Variants in MROH2B observed in about 807,000 individuals in gnomAD.
The protein encoded by MROH2B is maestro heat like repeat family member 2B.
A neutral mutation model predicts 208.6 loss-of-function variants in MROH2B; 177 were observed. The ratio of observed to expected loss-of-function variants is 0.85; its 90% CI spans 0.75 to 0.96. The LOEUF (loss-of-function observed/expected upper bound fraction) is 0.96. MROH2B is among the 40% of genes least tolerant of loss of function. The pLI is 0.00. For synonymous variants in MROH2B, 728 were observed against 659.0 expected, an observed-to-expected ratio of 1.10 and a Z score of -1.60; for missense variants, 2,002 against 1,878.7, an observed-to-expected ratio of 1.07 and a Z score of -1.21.
chr5:41,060,059 T>A (rs939855900), intron 6 of MROH2B, among the ~76,000 whole-genome samples: 1 of 152,202 alleles, frequency 6.6e-6, no homozygotes, highest in African/African-American at 2.4e-5. Context: ...CCTCCTCGTT[T>A]AAATTGATGA....
intron 11 of MROH2B, 116 bp downstream of exon 11, chr5:41,054,651 G>A (rs1743388439): frequency 1.5e-6 from 1 of 676,532 alleles, no homozygotes; most frequent in South Asian, 3.5e-5. Context: ...TTTAAAAATG[G>A]AATTGACCAC....
rs773891238 is a variant in MROH2B at position 41,000,211 on chromosome 5, G to A, written c.4482+9C>T. ...CCTTTTTTGGAGGCGGCATCTATTG[G>A]ACACTCACCAGTTTCACACAGAATT... On this transcript the variant is annotated intron_variant, in intron 39 of 41. Coordinates refer to ENST00000399564, the MANE Select transcript of MROH2B (RefSeq NM_173489.5). The A allele has an allele frequency of 6.2e-7, 1 of 1,613,474 alleles. No individual in the cohort carries two copies. The highest frequency in any genetic ancestry group is 1.1e-5 in the South Asian group (1 of 91,010).
chr5:41,057,971 TTAAGC>T, intron 7 of MROH2B, 87 bp downstream of exon 7: 1 of 1,281,368 alleles, frequency 7.8e-7, no homozygotes, highest in Non-Finnish European at 1.0e-6. Flanking sequence ...AAACAGGAGT[TTAAGC>T]TCCTTAGGGT....
chr5:41,004,890 C>T lies in MROH2B; in HGVS notation c.3895G>A (p.Gly1299Arg), dbSNP rs768366602. ...AAGATCAGCACATTTCGCAGATTCC[C>T]ATGCTTCCAAAGGATTGGTTCCTTC... is the stretch of plus-strand genomic sequence containing the variant. ...LMKEPILWKH[G>R]NLRNVLILMD... Residue 1299 changes from glycine to arginine, a missense_variant, in exon 36 of 42, where the codon GGG (glycine) becomes AGG (arginine). Gly to Arg is a moderately radical substitution (Grantham distance 125, BLOSUM62 -2). Coordinates refer to ENST00000399564, the MANE Select transcript of MROH2B (RefSeq NM_173489.5). 1.2e-6 allele frequency: 2 copies of T among 1,613,958 alleles called. No individual in the cohort carries two copies. Among genetic ancestry groups the T allele is most frequent in the Admixed American group, 1.7e-5 (1 of 60,020 alleles).
intron 18 of MROH2B, 44 bp downstream of exon 18, chr5:41,045,702 A>G (rs1425674286): frequency 3.4e-6 from 5 of 1,456,286 alleles, no homozygotes; most frequent in Non-Finnish European, 4.8e-6. Flanking sequence ...GCCATTTTGG[A>G]TCATAGGTAA....
rs768495773 is a variant in MROH2B, at chr5:41,008,610, A to T, written c.3604T>A (p.Cys1202Ser). The T allele has an allele frequency of 6.2e-7, 1 of 1,613,480 alleles. No homozygotes were observed. The highest frequency in any genetic ancestry group is 8.5e-7 in the Non-Finnish European group (1 of 1,179,678). ...QGEQQQIPDP[C>S]RLSTATLKCL... ...GCTTCCTGATTGGCCGTTTACCTGC[A>T]GGGGTCTGGGATCTGCTGCTGTTCT... Residue 1202 changes from cysteine to serine, a missense_variant, in exon 33 of 42, where the codon TGC (cysteine) becomes AGC (serine). Transcript: ENST00000399564.
chr5:41,059,047 CAA>C lies in MROH2B; in HGVS notation c.616-846_616-845del, dbSNP rs1171278919. On this transcript the variant is annotated intron_variant, in intron 6 of 41. Coordinates refer to ENST00000399564, the MANE Select transcript of MROH2B (RefSeq NM_173489.5). The stretch of plus-strand genomic sequence containing the variant: ...TGGGTGACAGAGTGAGACTCCATCT[CAA>C]AAAAAAAAAAAAAAAAAAGAATCTT... Among the ~76,000 whole-genome samples the C allele has an allele frequency of 2.5e-3, 180 of 73,192 alleles. 4 individuals are homozygous for C. The East Asian group carries it at 0.054, about 22-fold the overall frequency. The allele number at this position is 73,192 out of a possible 152,430, so 48.0% of individuals were successfully genotyped here.
chr5:41,038,745 C>A lies in MROH2B; in HGVS notation c.2205G>T (p.Gln735His). 1 of 1,610,482 alleles carries A rather than the reference C, an allele frequency of 6.2e-7. No individual in the cohort carries two copies. The highest frequency in any genetic ancestry group is 8.5e-7 in the Non-Finnish European group (1 of 1,178,502). The change falls in exon 21 of 42, where the codon CAG becomes CAT. Residue 735 changes from glutamine (Q) to histidine (H), a missense_variant. Gln to His is a conservative substitution (Grantham distance 24). Transcript: ENST00000399564. Reference sequence around the variant, plus strand: ...ATGCAACGGGCATTACCTGAGAGCACTGGCCATGAAGAGACAGGACTTGGG... The same window carrying A: ...ATGCAACGGGCATTACCTGAGAGCAATGGCCATGAAGAGACAGGACTTGGG... ...IISQVLSLHG[Q>H]CSQVLGMSVM...
intron 37 of MROH2B, among the ~76,000 whole-genome samples, chr5:41,002,294 G>C (rs1363201341): frequency 2.6e-5 from 4 of 152,170 alleles, no homozygotes; most frequent in Non-Finnish European, 5.9e-5. Context: ...AGAAATATTA[G>C]AGAACGTCTA....
chr5:41,055,168 G>A (rs1431034868), intron 10 of MROH2B, among the ~76,000 whole-genome samples: 1 of 152,144 alleles, frequency 6.6e-6, no homozygotes, highest in Non-Finnish European at 1.5e-5. Flanking sequence ...AAATCAAAGT[G>A]CTAACTGAAT....
intron 19 of MROH2B, 47 bp from the exon 20 acceptor site, chr5:41,039,602 T>C (rs765945015): frequency 9.8e-6 from 13 of 1,327,272 alleles, no homozygotes; most frequent in African/African-American, 7.3e-5. Flanking sequence ...CATTTATTTA[T>C]TCAACAAATA....
In MROH2B at chr5:41,032,764, A is replaced by C; in HGVS notation, c.2419T>G (p.Leu807Val). 1 of 1,612,620 alleles carries C rather than the reference A, an allele frequency of 6.2e-7. No individual in the cohort carries two copies. Among genetic ancestry groups the C allele is most frequent in the Non-Finnish European group, 8.5e-7 (1 of 1,179,132 alleles). ...SLASPIRWKA[L>V]IAIRYLSKLK... ...TACCTGAGATACCTAATGGCGATTA[A>C]GGCTTTCCACCGAATAGGGCTAGCT... Residue 807 changes from leucine to valine, a missense_variant, in exon 24 of 42, where the codon TTA (leucine) becomes GTA (valine). Coordinates refer to ENST00000399564, the MANE Select transcript of MROH2B (RefSeq NM_173489.5).
chr5:41,006,385 T>C (rs1214448207), intron 34 of MROH2B, among the ~76,000 whole-genome samples: 1 of 152,204 alleles, frequency 6.6e-6, no homozygotes, highest in Non-Finnish European at 1.5e-5. Flanking sequence ...TTTTCACTCT[T>C]GGTGGGAATG....
At chr5:41,022,636 G>A (rs1032403135) in intron 24 of MROH2B, among the ~76,000 whole-genome samples, 2 of 152,316 alleles carry the variant, frequency 1.3e-5, no homozygotes, top group South Asian at 2.1e-4. Context: ...GGGCATAGCC[G>A]AACAAAAGGC....
Position 41,033,152 on chromosome 5 carries a change from A to T in MROH2B, c.2250T>A (p.Asp750Glu), listed in dbSNP as rs1561291189. ...TGCTTCTTGTGAAACTCATTTGCAG[A>T]TCCATGTCCTAAAGCAAAAGCATTT... ...LGMSVMNKDMDLQMSFTRSIT... is the reference protein window; with the variant it reads ...LGMSVMNKDMELQMSFTRSIT... Residue 750 changes from aspartate (D) to glutamate (E), a missense_variant, in exon 23 of 42, where the codon GAT becomes GAA. Transcript: ENST00000399564. 1.9e-6 allele frequency: 3 copies of T among 1,612,710 alleles called. No homozygotes were observed. The highest frequency in any genetic ancestry group is 1.7e-5 in the Admixed American group (1 of 59,822).
chr5:41,051,582 G>A (rs1321424778), intron 12 of MROH2B: 4 of 152,190 alleles, frequency 2.6e-5, no homozygotes, highest in African/African-American at 9.7e-5. Flanking sequence ...GACGGTATTA[G>A]TAGGTGTGGT....
At chr5:41,057,563 C>CTTTTTTCTTTTTTTTTTT (rs1743498786) in intron 7 of MROH2B, among the ~76,000 whole-genome samples, 1 of 73,252 alleles carries the variant, frequency 1.4e-5, no homozygotes, top group Non-Finnish European at 2.4e-5. Flanking sequence ...AATATCCCTC[C>CTTTTTTCTTTTTTTTTTT]TTTTTTTTTT....
intron 26 of MROH2B, 60 bp downstream of exon 26, chr5:41,018,631 T>C: frequency 1.3e-6 from 2 of 1,575,394 alleles, no homozygotes; most frequent in Non-Finnish European, 1.7e-6. Flanking sequence ...GAGTTTGGAG[T>C]GGACATTGAA....
Position 41,071,146 on chromosome 5 carries a change from A to T in MROH2B, c.-294T>A. 2.9e-6 allele frequency: 1 copy of T among 349,362 alleles called. No homozygotes were observed. The highest frequency in any genetic ancestry group is 5.2e-6 in the Non-Finnish European group (1 of 190,750). The allele number at this position is 349,362 out of a possible 1,614,324, so 21.6% of individuals were successfully genotyped here. A position where few individuals can be genotyped will look rare whatever the true frequency, so the allele number is the denominator to read the frequency against. ...ATATTGTCCCTTTGGTGACCAGAGT[A>T]TTTGGGAAAGAAGTAATTAGAGACT... On this transcript the variant is annotated 5_prime_UTR_variant, in exon 1 of 42. Transcript: ENST00000399564.
Sources: allele counts gnomAD v4.1 joint callset (sites outside exome capture counted in the v4.1 genomes callset), GRCh38; gene constraint gnomAD v4.1.1; transcripts MANE v1.5; gene names NCBI Gene and HGNC (gene_info 2026-07-23, HGNC 2026-07-21).